Variants in FXN observed in about 807,000 individuals in gnomAD.
FXN encodes frataxin, also known as frataxin, mitochondrial.
FXN carries 14 observed loss-of-function variants against 22.4 expected under a neutral mutation model. The observed-to-expected ratio is 0.62, with a 90% CI of 0.41 to 0.98. FXN has a LOEUF of 0.98. Among genes scored for constraint, FXN ranks in the 50% least tolerant of loss-of-function variants. The pLI is 0.00. For missense variants in FXN, 267 were observed against 268.4 expected, an observed-to-expected ratio of 0.99 and a Z score of 0.04; for synonymous variants, 120 against 114.1, an observed-to-expected ratio of 1.05 and a Z score of -0.33.
intron 3 of FXN, among the ~76,000 whole-genome samples, chr9:69,062,490 T>C (rs1832092488): frequency 6.6e-6 from 1 of 152,192 alleles, no homozygotes; most frequent in African/African-American, 2.4e-5. Context: ...AAAAATGTTT[T>C]TTTAAACAAA....
At position 69,072,582 on chromosome 9, in the gene FXN, G is replaced by A. The variant is rs753059607; in HGVS notation, c.483-30G>A. The A allele has an allele frequency of 1.9e-6, 3 of 1,613,744 alleles. No individual in the cohort carries two copies. The East Asian group carries it at 6.7e-5, about 36-fold the overall frequency. On this transcript the variant is annotated intron_variant, in intron 4 of 4. Coordinates refer to ENST00000484259, the MANE Select transcript of FXN (RefSeq NM_000144.5). ...GGTTCATCTGAAGGGCTGTGCTGTG[G>A]AATTACTATGCATTTGTTTTGTCTT...
rs1832313504 is a variant in FXN, at chr9:69,073,609, A to C, written c.*847A>C. The C allele has an allele frequency of 1.0e-6, 1 of 985,418 alleles. No homozygotes were observed. The highest frequency in any genetic ancestry group is 1.7e-5 in the African/African-American group (1 of 57,348). The allele number at this position is 985,418 out of a possible 1,614,324, so 61.0% of individuals were successfully genotyped here. On this transcript the variant is annotated 3_prime_UTR_variant, in exon 5 of 5. Coordinates refer to ENST00000484259, the MANE Select transcript of FXN (RefSeq NM_000144.5). ...AGGAAGGAGATACTCATGTTGATAA[A>C]GAGAGCCCTGGTCCTAGACATAGTT...
rs999393612 is a variant in FXN at position 69,078,721 on chromosome 9, T to C, written c.*5959T>C. On this transcript the variant is annotated 3_prime_UTR_variant, in exon 5 of 5. Transcript: ENST00000484259. ...GCTCTCAGACTTGGCCAGTGCTGTT[T>C]CCATTTTGGTCTTTATTCCCCACAT... The C allele has an allele frequency of 3.0e-6, 3 of 985,482 alleles. No individual in the cohort carries two copies. In the African/African-American group the frequency reaches 5.2e-5, roughly 17 times the overall value. 61.0% of individuals were successfully genotyped at this position (985,482 alleles called of 1,614,324 possible). A position where few individuals can be genotyped will look rare whatever the true frequency, so the allele number is the denominator to read the frequency against.
chr9:69,076,422 A>G lies in FXN; in HGVS notation c.*3660A>G, dbSNP rs1171021353. On this transcript the variant is annotated 3_prime_UTR_variant, in exon 5 of 5. Coordinates refer to ENST00000484259, the MANE Select transcript of FXN (RefSeq NM_000144.5). ...ACTCAACCTTGAACTTAATCAAAAT[A>G]CTCAGTTTACTTAACTTCGTATTAG... 1.6e-5 allele frequency: 16 copies of G among 985,164 alleles called. No individual in the cohort carries two copies. Among genetic ancestry groups the G allele is most frequent in the Admixed American group, 6.2e-5 (1 of 16,250 alleles). The allele number at this position is 985,164 out of a possible 1,614,324, so 61.0% of individuals were successfully genotyped here.
chr9:69,047,836 G>T (rs1350609771), intron 2 of FXN, among the ~76,000 whole-genome samples: 2 of 152,066 alleles, frequency 1.3e-5, no homozygotes, highest in Non-Finnish European at 2.9e-5. Flanking sequence ...TCCTGCCTCA[G>T]CCTCCTGAGT....
Position 69,064,826 on chromosome 9 carries a change from G to A in FXN, c.385-112G>A, listed in dbSNP as rs9411181. The A allele has an allele frequency of 5.8e-4, 415 of 718,822 alleles. 1 individual carries two copies. In the African/African-American group the frequency reaches 6.9e-3, roughly 12 times the overall value. The allele number at this position is 718,822 out of a possible 1,614,324, so 44.5% of individuals were successfully genotyped here. On this transcript the variant is annotated intron_variant, in intron 3 of 4. Coordinates refer to ENST00000484259, the MANE Select transcript of FXN (RefSeq NM_000144.5). ...AAGACATTTCTTTATGGTGTATTTT[G>A]TGTACTTGTAGAAATGGAAAGTGTT...
chr9:69,057,570 G>T (rs1442288327), intron 3 of FXN, among the ~76,000 whole-genome samples: 1 of 152,130 alleles, frequency 6.6e-6, no homozygotes, highest in African/African-American at 2.4e-5. Flanking sequence ...TACAGTGGCT[G>T]CCATCTATAG....
chr9:69,039,946 G>A (rs936934977), intron 1 of FXN, among the ~76,000 whole-genome samples: 5 of 152,106 alleles, frequency 3.3e-5, no homozygotes, highest in African/African-American at 9.7e-5. Context: ...GCTACCTCAG[G>A]TGTCTTTTTC....
At chr9:69,072,205 A>G (rs1832288175) in intron 4 of FXN, among the ~76,000 whole-genome samples, 1 of 152,208 alleles carries the variant, frequency 6.6e-6, no homozygotes, top group Admixed American at 6.5e-5. Flanking sequence ...TTAAATGGTT[A>G]ATGTGTTATG....
In FXN at chr9:69,076,909, A is replaced by C. The variant is rs548189845; in HGVS notation, c.*4147A>C. The C allele has an allele frequency of 3.3e-5, 33 of 985,358 alleles. No individual in the cohort carries two copies. The Admixed American group carries it at 1.1e-3, about 33-fold the overall frequency. 61.0% of individuals were successfully genotyped at this position (985,358 alleles called of 1,614,324 possible). ...GACGAGTTCATGACTTTGTGTATAG[A>C]GTAAGAAATGCCTTTTCTTTTTTGA... On this transcript the variant is annotated 3_prime_UTR_variant, in exon 5 of 5. Coordinates refer to ENST00000484259, the MANE Select transcript of FXN (RefSeq NM_000144.5).
intron 4 of FXN, among the ~76,000 whole-genome samples, 163 bp from the exon 5 acceptor site, chr9:69,072,449 C>T (rs991508368): frequency 6.6e-5 from 10 of 151,116 alleles, no homozygotes; most frequent in South Asian, 6.3e-4. Flanking sequence ...TCGTATAACT[C>T]TTCTTAGATG....
rs1284131881 is a variant in FXN, at chr9:69,076,824, G to A, written c.*4062G>A. ...CTAAAACAGCTACATGCCAGCAAGG[G>A]AGAAAGGGGAAGGAGGGGCAAAGTT... On this transcript the variant is annotated 3_prime_UTR_variant, in exon 5 of 5. Coordinates refer to ENST00000484259, the MANE Select transcript of FXN (RefSeq NM_000144.5). 1 of 985,396 alleles carries A rather than the reference G, an allele frequency of 1.0e-6. No homozygotes were observed. The highest frequency in any genetic ancestry group is 1.1e-4 in the East Asian group (1 of 8,830). The allele number at this position is 985,396 out of a possible 1,614,324, so 61.0% of individuals were successfully genotyped here.
At chr9:69,059,836 G>A (rs1034513218) in intron 3 of FXN, among the ~76,000 whole-genome samples, 5 of 152,198 alleles carry the variant, frequency 3.3e-5, no homozygotes, top group Non-Finnish European at 7.3e-5. Flanking sequence ...GCTATGAGAT[G>A]AGTGACATTA....
At chr9:69,042,875 T>C (rs889340849) in intron 1 of FXN, among the ~76,000 whole-genome samples, 7 of 152,188 alleles carry the variant, frequency 4.6e-5, no homozygotes, top group African/African-American at 1.4e-4. Flanking sequence ...TTCCTTCCAC[T>C]GTGCACAGAC....
chr9:69,076,648 T>C lies in FXN; in HGVS notation c.*3886T>C. Reference sequence around the variant, plus strand: ...TTTGCCACCTCTAAAGGAAGACCCATGTTCATAGTGATGGAGTTTGTGTGG... The same window carrying C: ...TTTGCCACCTCTAAAGGAAGACCCACGTTCATAGTGATGGAGTTTGTGTGG... On this transcript the variant is annotated 3_prime_UTR_variant, in exon 5 of 5. Coordinates refer to ENST00000484259, the MANE Select transcript of FXN (RefSeq NM_000144.5). 6 of 985,472 alleles carry C rather than the reference T, an allele frequency of 6.1e-6. No homozygotes were observed. Among genetic ancestry groups the C allele is most frequent in the Non-Finnish European group, 7.2e-6 (6 of 829,936 alleles). 61.0% of individuals were successfully genotyped at this position (985,472 alleles called of 1,614,324 possible). A position where few individuals can be genotyped will look rare whatever the true frequency, so the allele number is the denominator to read the frequency against.
At chr9:69,047,350 G>GACACACACACACAC (rs148756619) in intron 2 of FXN, among the ~76,000 whole-genome samples, 11 of 144,112 alleles carry the variant, frequency 7.6e-5, no homozygotes, top group African/African-American at 2.8e-4. Flanking sequence ...CACACACACA[G>GACACACACACACAC]ACACACACAC....
Position 69,076,936 on chromosome 9 carries a change from A to T in FXN, c.*4174A>T. ...TAAGAAATGCCTTTTCTTTTTTGAG[A>T]CAGAGTCTTGCTCTGTCACCCAGGC... On this transcript the variant is annotated 3_prime_UTR_variant, in exon 5 of 5. Coordinates refer to ENST00000484259, the MANE Select transcript of FXN (RefSeq NM_000144.5). 1 of 983,308 alleles carries T rather than the reference A, an allele frequency of 1.0e-6. No individual in the cohort carries two copies. Among genetic ancestry groups the T allele is most frequent in the African/African-American group, 1.7e-5 (1 of 57,280 alleles). 60.9% of individuals were successfully genotyped at this position (983,308 alleles called of 1,614,324 possible).
intron 1 of FXN, among the ~76,000 whole-genome samples, chr9:69,040,667 CAAAG>C (rs1831640729): frequency 6.6e-6 from 1 of 150,772 alleles, no homozygotes; most frequent in Admixed American, 6.6e-5. Flanking sequence ...GACTGCATCT[CAAAG>C]AAAAAAATAA....
At chr9:69,039,723 A>G (rs4744787) in intron 1 of FXN, among the ~76,000 whole-genome samples, 49,514 of 151,938 alleles carry the variant, frequency 0.33, 8,352 homozygotes, top group East Asian at 0.49. Flanking sequence ...TAAATACCGG[A>G]GACAGCTTCG....
Sources: allele counts gnomAD v4.1 joint callset (sites outside exome capture counted in the v4.1 genomes callset), GRCh38; gene constraint gnomAD v4.1.1; transcripts MANE v1.5; gene names NCBI Gene and HGNC (gene_info 2026-07-23, HGNC 2026-07-21).